SACM1L: variants seen among roughly 807,000 people sequenced by gnomAD.
The protein encoded by SACM1L is SAC1 like phosphatidylinositide phosphatase, also known as phosphatidylinositol-3-phosphatase SAC1.
In SACM1L, 32 loss-of-function variants were observed where a neutral mutation model predicts 89.5. The observed-to-expected ratio is 0.36, with a 90% CI of 0.27 to 0.48. SACM1L has a LOEUF of 0.48. Among genes scored for constraint, SACM1L ranks in the 20% least tolerant of loss-of-function variants. The pLI is 0.99. For missense variants in SACM1L, 543 were observed against 708.5 expected (o/e 0.77, Z 2.65); for synonymous variants, 213 against 232.8 (o/e 0.92, Z 0.77).
intron 13 of SACM1L, among the ~76,000 whole-genome samples, chr3:45,733,649 CCTT>C (rs1699126679): frequency 6.6e-6 from 1 of 152,124 alleles, no homozygotes; most frequent in African/African-American, 2.4e-5. Context: ...TTTTCTTCCT[CCTT>C]TTGGATTTTG....
At chr3:45,738,897 C>A in intron 18 of SACM1L, 24 bp downstream of exon 18, 1 of 1,481,840 alleles carries the variant, frequency 6.7e-7, no homozygotes, top group Non-Finnish European at 9.4e-7. Context: ...TTGTATTTTT[C>A]AAGTTTTTAA....
chr3:45,690,181 T>A (rs148656274), intron 1 of SACM1L: 2 of 152,410 alleles, frequency 1.3e-5, no homozygotes, highest in African/African-American at 4.8e-5. Flanking sequence ...ATACAGAGGC[T>A]GTGGTTGTTA....
intron 3 of SACM1L, among the ~76,000 whole-genome samples, chr3:45,706,399 A>C (rs1011813977): frequency 6.6e-6 from 1 of 152,162 alleles, no homozygotes; most frequent in Non-Finnish European, 1.5e-5. Context: ...CTGTAGTGTC[A>C]GATCTCACGT....
chr3:45,738,910 G>A, intron 18 of SACM1L, 37 bp downstream of exon 18: 2 of 1,296,360 alleles, frequency 1.5e-6, no homozygotes, highest in Non-Finnish European at 2.2e-6. Flanking sequence ...GTTTTTAAAA[G>A]CATTGTGTCT....
rs1242823872 is a variant in SACM1L at position 45,744,683 on chromosome 3, T to A, written c.*1014T>A. On this transcript the variant is annotated 3_prime_UTR_variant, in exon 20 of 20. Transcript: ENST00000389061. The stretch of plus-strand genomic sequence containing the variant: ...TTCCAGGTAGTTATAGTACTCCAAA[T>A]CAAGGACCAACTTAAACGTTAATTT... 6.6e-6 allele frequency: 1 copy of A among 152,616 alleles called. No individual in the cohort carries two copies. Among genetic ancestry groups the A allele is most frequent in the African/African-American group, 2.4e-5 (1 of 41,440 alleles). The allele number at this position is 152,616 out of a possible 1,614,324, so 9.5% of individuals were successfully genotyped here.
intron 13 of SACM1L, among the ~76,000 whole-genome samples, chr3:45,733,339 A>G (rs1699121163): frequency 6.6e-6 from 1 of 152,196 alleles, no homozygotes; most frequent in Admixed American, 6.5e-5. Flanking sequence ...TTCTCTTAGT[A>G]GTAATATGAC....
Position 45,738,616 on chromosome 3 carries a change from G to T in SACM1L, c.1421G>T (p.Gly474Val), listed in dbSNP as rs1453455955. Residue 474 changes from glycine (G) to valine (V), a missense_variant, in exon 17 of 20, where the codon GGC becomes GTC. Physicochemically the swap from Gly to Val is moderately radical, Grantham distance 109. Coordinates refer to ENST00000389061, the MANE Select transcript of SACM1L (RefSeq NM_014016.5). Reference sequence around the variant, plus strand: ...ACTCATTTGGGACTTATAATGGATGGCTGGAACTCAATGATACGATATTAT... The same window carrying T: ...ACTCATTTGGGACTTATAATGGATGTCTGGAACTCAATGATACGATATTAT... ...KRTHLGLIMDGWNSMIRYYKN... is the reference protein window; with the variant it reads ...KRTHLGLIMDVWNSMIRYYKN... 1 of 1,613,164 alleles carries T rather than the reference G, an allele frequency of 6.2e-7. No individual in the cohort carries two copies. Among genetic ancestry groups the T allele is most frequent in the Admixed American group, 1.7e-5 (1 of 60,016 alleles).
At chr3:45,741,231 C>T (rs1211657061) in intron 19 of SACM1L, among the ~76,000 whole-genome samples, 3 of 152,214 alleles carry the variant, frequency 2.0e-5, no homozygotes, top group African/African-American at 7.2e-5. Context: ...ATGCTCCCCT[C>T]TCACAGAGTG....
chr3:45,705,844 C>T (rs1698380817), intron 3 of SACM1L, among the ~76,000 whole-genome samples: 1 of 152,168 alleles, frequency 6.6e-6, no homozygotes, highest in Admixed American at 6.6e-5. Context: ...ACAGGGTATT[C>T]TACACCTTCA....
At chr3:45,740,681 C>G (rs1699293672) in intron 19 of SACM1L, among the ~76,000 whole-genome samples, 1 of 152,114 alleles carries the variant, frequency 6.6e-6, no homozygotes, top group African/African-American at 2.4e-5. Flanking sequence ...AGAAGCTAAC[C>G]ACTCTTAACA....
At chr3:45,737,203 A>G in intron 14 of SACM1L, 1 of 200,188 alleles carries the variant, frequency 5.0e-6, no homozygotes, top group Non-Finnish European at 9.9e-6. Context: ...GAAGAAGTTG[A>G]GGGATGATGC....
intron 1 of SACM1L, among the ~76,000 whole-genome samples, chr3:45,696,870 T>C (rs1222132648): frequency 6.6e-6 from 1 of 152,236 alleles, no homozygotes; most frequent in Admixed American, 6.5e-5. Flanking sequence ...TTGATGTTAA[T>C]ATTATAATTA....
Position 45,703,458 on chromosome 3 carries a change from T to G in SACM1L, c.53T>G (p.Phe18Cys), listed in dbSNP as rs1329233746. 6.2e-7 allele frequency: 1 copy of G among 1,612,704 alleles called. No homozygotes were observed. Among genetic ancestry groups the G allele is most frequent in the African/African-American group, 1.3e-5 (1 of 74,860 alleles). ...QLKLHITPEKFYVEACDDGAD... is the reference protein window; with the variant it reads ...QLKLHITPEKCYVEACDDGAD... ...CTTAGGCATATCACACCTGAAAAAT[T>G]TTATGTGGAAGCTTGTGATGATGGA... is the stretch of plus-strand genomic sequence containing the variant. The change falls in exon 2 of 20, where the codon TTT becomes TGT. Residue 18 changes from phenylalanine to cysteine, a missense_variant. Coordinates refer to ENST00000389061, the MANE Select transcript of SACM1L (RefSeq NM_014016.5).
chr3:45,728,530 ACC>A (rs1410554178), intron 11 of SACM1L, among the ~76,000 whole-genome samples: 1 of 152,168 alleles, frequency 6.6e-6, no homozygotes, highest in Non-Finnish European at 1.5e-5. Context: ...TTGGATTGAT[ACC>A]AGAAGCATAT....
intron 8 of SACM1L, among the ~76,000 whole-genome samples, chr3:45,721,731 G>A (rs1451380703): frequency 6.6e-6 from 1 of 151,874 alleles, no homozygotes; most frequent in Non-Finnish European, 1.5e-5. Flanking sequence ...GAGGAATTTT[G>A]TATGTAGAAA....
At chr3:45,699,420 A>G (rs1376721871) in intron 1 of SACM1L, among the ~76,000 whole-genome samples, 1 of 151,244 alleles carries the variant, frequency 6.6e-6, no homozygotes, top group Non-Finnish European at 1.5e-5. Context: ...TCATAATTAC[A>G]TTTCTTTATA....
chr3:45,721,307 A>C (rs1698782393), intron 8 of SACM1L, among the ~76,000 whole-genome samples: 1 of 152,262 alleles, frequency 6.6e-6, no homozygotes, highest in Admixed American at 6.5e-5. Context: ...AGATCACCTG[A>C]GGTCGGGAGT....
intron 1 of SACM1L, 21 bp from the exon 2 acceptor site, chr3:45,703,417 A>G: frequency 3.3e-6 from 5 of 1,513,142 alleles, no homozygotes; most frequent in Non-Finnish European, 4.6e-6. Flanking sequence ...TTAGTTATTT[A>G]TGTTTTACAT....
Position 45,727,180 on chromosome 3 carries a change from C to T in SACM1L, c.921+3637C>T, listed in dbSNP as rs532185496. Reference sequence around the variant, plus strand: ...GATTACAGGCGTGAGCCACCGCGCCCGGCCGCTTTATTTCATACATTTGGT... The same window carrying T: ...GATTACAGGCGTGAGCCACCGCGCCTGGCCGCTTTATTTCATACATTTGGT... On this transcript the variant is annotated intron_variant, in intron 11 of 19. Transcript: ENST00000389061. Among the ~76,000 whole-genome samples the T allele has an allele frequency of 7.5e-4, 114 of 151,196 alleles. 43 individuals carry two copies. The highest frequency in any genetic ancestry group is 1.3e-3 in the Non-Finnish European group (87 of 67,714).
Sources: gnomAD v4.1 joint callset for allele counts (sites outside exome capture counted in the v4.1 genomes callset) on GRCh38, gnomAD v4.1.1 for gene constraint, MANE v1.5 for transcripts, NCBI Gene and HGNC (gene_info 2026-07-23, HGNC 2026-07-21) for gene names.